Variants in P2RY12 observed in about 807,000 individuals in gnomAD.
P2RY12 encodes the protein P2Y purinoceptor 12.
In P2RY12, 3 loss-of-function variants were observed where a neutral mutation model predicts 4.5. The observed-to-expected ratio is 0.67, with a 90% CI of 0.31 to 1.74. P2RY12 has a LOEUF of 1.74. Ranked by LOEUF, P2RY12 falls within the 40% of genes most tolerant of loss-of-function variation. The pLI, the probability that P2RY12 is intolerant of heterozygous loss-of-function variation, is 0.09. For synonymous variants in P2RY12, 148 were observed against 154.1 expected (o/e 0.96, Z 0.29); for missense variants, 356 against 407.8 (o/e 0.87, Z 1.09).
chr3:151,355,874 A>G, intron 1 of P2RY12: 1 of 1,592,906 alleles, frequency 6.3e-7, no homozygotes, highest in South Asian at 1.1e-5. Context: ...GTCTTACAAT[A>G]TTTTTGTTTT....
At chr3:151,371,025 T>C in intron 1 of P2RY12, among the ~76,000 whole-genome samples, 1 of 152,254 alleles carries the variant, frequency 6.6e-6, no homozygotes, top group East Asian at 1.9e-4. Context: ...TGTATTCTAT[T>C]GTCAATGCAA....
chr3:151,355,752 T>C, intron 1 of P2RY12: 2 of 617,082 alleles, frequency 3.2e-6, no homozygotes, highest in Non-Finnish European at 5.2e-6. Flanking sequence ...CATAGTTTTA[T>C]AGTTTCTATA....
rs774480391 is a variant in P2RY12 at position 151,338,350 on chromosome 3, G to C, written c.496C>G (p.Gln166Glu). The change falls in exon 3 of 3, where the codon CAG (glutamine) becomes GAG (glutamate). Residue 166 changes from glutamine (Q) to glutamate (E), a missense_variant. Transcript: ENST00000302632. ...TTCTTCACATTCTTGTCTCTCGGCTGCCTGTTGGTCAGAATCATGTTAGGC... is the reference window on the plus strand; with the variant it reads ...TTCTTCACATTCTTGTCTCTCGGCTCCCTGTTGGTCAGAATCATGTTAGGC... ...SLPNMILTNRQPRDKNVKKCS... is the reference protein window; with the variant it reads ...SLPNMILTNREPRDKNVKKCS... 1 of 1,614,104 alleles carries C rather than the reference G, an allele frequency of 6.2e-7. No individual in the cohort carries two copies. The highest frequency in any genetic ancestry group is 1.1e-5 in the South Asian group (1 of 91,082).
At chr3:151,363,818 C>A (rs994086917) in intron 1 of P2RY12, among the ~76,000 whole-genome samples, 2 of 152,100 alleles carry the variant, frequency 1.3e-5, no homozygotes, top group African/African-American at 4.8e-5. Context: ...TTAACAAACA[C>A]CCCAAAAGTG....
At chr3:151,367,001 C>T (rs182714348) in intron 1 of P2RY12, among the ~76,000 whole-genome samples, 5 of 152,068 alleles carry the variant, frequency 3.3e-5, no homozygotes, top group Admixed American at 2.0e-4. Flanking sequence ...GCATATGGTG[C>T]GAATCAGTAT....
Position 151,345,953 on chromosome 3 carries a change from T to A in P2RY12, c.-179-5193A>T, listed in dbSNP as rs148874456. 4.8e-3 allele frequency among the ~76,000 whole-genome samples: 733 copies of A among 152,288 alleles called. 26 individuals are homozygous for A. Among genetic ancestry groups the A allele is most frequent in the Admixed American group, 0.038 (587 of 15,294 alleles). ...ACCTAGCATGAGTTCCCTGAAAATA[T>A]TAATGCTAAGAAAGGAATACTGTCT... On this transcript the variant is annotated intron_variant, in intron 1 of 2. Coordinates refer to ENST00000302632, the MANE Select transcript of P2RY12 (RefSeq NM_022788.5).
chr3:151,367,585 A>G, intron 1 of P2RY12: 1 of 1,459,604 alleles, frequency 6.9e-7, no homozygotes, highest in Non-Finnish European at 9.2e-7. Flanking sequence ...CTTAGTTATT[A>G]ATCTTAGATA....
At chr3:151,371,051 C>T (rs1179409923) in intron 1 of P2RY12, among the ~76,000 whole-genome samples, 1 of 152,240 alleles carries the variant, frequency 6.6e-6, no homozygotes, top group African/African-American at 2.4e-5. Flanking sequence ...GAAGGCCTGG[C>T]ACAGACTCTC....
intron 1 of P2RY12, 159 bp from the exon 2 acceptor site, chr3:151,340,919 G>C (rs1751737352): frequency 6.6e-6 from 1 of 152,160 alleles, no homozygotes; most frequent in Non-Finnish European, 1.5e-5. Flanking sequence ...TGGCTGAGAA[G>C]TCATCTTTTA....
intron 1 of P2RY12, among the ~76,000 whole-genome samples, chr3:151,364,250 C>T (rs541308793): frequency 6.6e-6 from 1 of 152,264 alleles, no homozygotes; most frequent in African/African-American, 2.4e-5. Context: ...GTTCTAATTC[C>T]TGTTATACTT....
intron 1 of P2RY12, chr3:151,350,074 C>T: frequency 6.2e-7 from 1 of 1,610,600 alleles, no homozygotes; most frequent in Non-Finnish European, 8.5e-7. Flanking sequence ...ATCTTCAAGT[C>T]ATGAATGTAA....
At chr3:151,354,058 G>A (rs1753606263) in intron 1 of P2RY12, among the ~76,000 whole-genome samples, 1 of 142,626 alleles carries the variant, frequency 7.0e-6, no homozygotes, top group Admixed American at 7.3e-5. Context: ...GGAGAATGGC[G>A]TGAACCCGGG....
In P2RY12 at chr3:151,337,229, TA is replaced by T. The variant is rs1053068621; in HGVS notation, c.*587del. On this transcript the variant is annotated 3_prime_UTR_variant, in exon 3 of 3. Coordinates refer to ENST00000302632, the MANE Select transcript of P2RY12 (RefSeq NM_022788.5). The stretch of plus-strand genomic sequence containing the variant: ...TAAATCTTTATCTTCTAAATAAACA[TA>T]AAAAATTAAGTCCAATCAAATACAG... Among the ~76,000 whole-genome samples, 2 of 152,094 alleles carry T rather than the reference TA, an allele frequency of 1.3e-5. No homozygotes were observed. Among genetic ancestry groups the T allele is most frequent in the African/African-American group, 4.8e-5 (2 of 41,450 alleles).
intron 1 of P2RY12, among the ~76,000 whole-genome samples, chr3:151,377,536 A>G (rs1481595886): frequency 6.6e-6 from 1 of 152,220 alleles, no homozygotes; most frequent in Non-Finnish European, 1.5e-5. Flanking sequence ...TTTGTGCAGA[A>G]TTAGAACCAG....
intron 1 of P2RY12, chr3:151,383,911 T>C (rs771404946): frequency 6.3e-7 from 1 of 1,590,616 alleles, no homozygotes; most frequent in Non-Finnish European, 8.6e-7. Flanking sequence ...CACTTCACAT[T>C]GATTTTGCTA....
At chr3:151,356,656 G>A (rs1468260302) in intron 1 of P2RY12, among the ~76,000 whole-genome samples, 1 of 150,894 alleles carries the variant, frequency 6.6e-6, no homozygotes, top group African/African-American at 2.4e-5. Context: ...TTTTTCTTTT[G>A]GTCTTTGTTA....
chr3:151,379,964 G>A (rs915908332), intron 1 of P2RY12: 1 of 535,850 alleles, frequency 1.9e-6, no homozygotes, highest in East Asian at 3.3e-5. Flanking sequence ...AATTTTATAA[G>A]TAGAGGTATG....
intron 1 of P2RY12, chr3:151,372,609 A>G (rs1433281021): frequency 4.3e-6 from 7 of 1,613,836 alleles, no homozygotes; most frequent in Non-Finnish European, 5.1e-6. Flanking sequence ...TCTTTAAAGA[A>G]TGATGACTTC....
At chr3:151,377,470 G>A (rs909328098) in intron 1 of P2RY12, among the ~76,000 whole-genome samples, 4 of 152,084 alleles carry the variant, frequency 2.6e-5, no homozygotes, top group South Asian at 2.1e-4. Flanking sequence ...TATGGGAAAC[G>A]CTTTTTCCAC....
Sources: allele counts gnomAD v4.1 joint callset (sites outside exome capture counted in the v4.1 genomes callset), GRCh38; gene constraint gnomAD v4.1.1; transcripts MANE v1.5; gene names NCBI Gene and HGNC (gene_info 2026-07-23, HGNC 2026-07-21).